The following GLDC variants were observed in gnomAD, a reference collection of about 807,000 sequenced individuals.
The protein encoded by GLDC is glycine decarboxylase.
GLDC carries 104 observed loss-of-function variants against 121.3 expected under a neutral mutation model. That is an observed-to-expected ratio of 0.86 (90% CI 0.73 to 1.01). GLDC has a LOEUF of 1.01. Among genes scored for constraint, GLDC ranks in the 50% least tolerant of loss-of-function variants. The pLI, the probability that GLDC is intolerant of heterozygous loss-of-function variation, is 0.00. For synonymous variants in GLDC, 546 were observed against 480.6 expected (o/e 1.14, Z -1.78); for missense variants, 1,429 against 1,306.6 (o/e 1.09, Z -1.44).
At chr9:6,560,427 G>C (rs752768918) in intron 16 of GLDC, among the ~76,000 whole-genome samples, 17 of 152,220 alleles carry the variant, frequency 1.1e-4, no homozygotes, top group Non-Finnish European at 1.6e-4. Context: ...TAGAACGGCT[G>C]TTGGTCTCAT....
intron 2 of GLDC, among the ~76,000 whole-genome samples, chr9:6,630,510 G>A (rs745508797): frequency 1.3e-5 from 2 of 152,044 alleles, no homozygotes; most frequent in Non-Finnish European, 2.9e-5. Flanking sequence ...GGTCTCCAAG[G>A]AAATCATCAG....
At chr9:6,602,233 GCACAGATAAT>G (rs768681323) in intron 7 of GLDC, 28 bp from the exon 8 acceptor site, 6 of 1,317,186 alleles carry the variant, frequency 4.6e-6, no homozygotes, top group Non-Finnish European at 6.6e-6. Flanking sequence ...CATCCAGTTA[GCACAGATAAT>G]CACAGCACTG....
intron 3 of GLDC, among the ~76,000 whole-genome samples, chr9:6,619,901 G>A (rs1195842210): frequency 6.6e-6 from 1 of 152,160 alleles, no homozygotes; most frequent in Non-Finnish European, 1.5e-5. Context: ...CTCAAATACA[G>A]CACAGAAATT....
At position 6,569,781 on chromosome 9, in the gene GLDC, G is replaced by T. The variant is rs1245322598; in HGVS notation, c.1851-4352C>A. Among the ~76,000 whole-genome samples the T allele has an allele frequency of 3.9e-5, 6 of 152,206 alleles. No individual in the cohort carries two copies. The South Asian group carries it at 1.2e-3, about 32-fold the overall frequency. On this transcript the variant is annotated intron_variant, in intron 15 of 24. Coordinates refer to ENST00000321612, the MANE Select transcript of GLDC (RefSeq NM_000170.3). ...ACCTGCAGTTAGAAGATCGAGACCA[G>T]CCTGGCGAACATGGCAAAACCCTGT...
intron 16 of GLDC, among the ~76,000 whole-genome samples, chr9:6,564,170 C>T (rs1817810669): frequency 6.6e-6 from 1 of 151,886 alleles, no homozygotes; most frequent in African/African-American, 2.4e-5. Context: ...ATCGCTTGAA[C>T]CCAGGAGGCA....
At chr9:6,604,393 A>C (rs1818687694) in intron 7 of GLDC, among the ~76,000 whole-genome samples, 195 bp downstream of exon 7, 2 of 152,198 alleles carry the variant, frequency 1.3e-5, no homozygotes, top group African/African-American at 4.8e-5. Flanking sequence ...TTTTTCAAAA[A>C]TTTACAAATT....
At chr9:6,558,532 C>G (rs369827665) in intron 17 of GLDC, 27 bp downstream of exon 17, 2 of 1,613,788 alleles carry the variant, frequency 1.2e-6, no homozygotes, top group Non-Finnish European at 1.7e-6. Flanking sequence ...CCCGGCCTCT[C>G]CCATCTGCTA....
chr9:6,580,760 T>A (rs1337858166), intron 15 of GLDC, among the ~76,000 whole-genome samples: 1 of 152,242 alleles, frequency 6.6e-6, no homozygotes, highest in Non-Finnish European at 1.5e-5. Context: ...TAACACTTCC[T>A]GATCCTACCT....
In GLDC at chr9:6,589,233, C is replaced by G. The variant is rs565333481; in HGVS notation, c.1542G>C (p.Lys514Asn). Reference protein sequence around the residue: ...ECRGIPGSVFKRTSPFLTHQV... With the variant: ...ECRGIPGSVFNRTSPFLTHQV... ...GATGGGTGAGGAACGGGCTGGTCCT[C>G]TTGAACACAGACCCTGGAATACCTC... is the stretch of plus-strand genomic sequence containing the variant. Residue 514 changes from lysine (K) to asparagine (N), a missense_variant, in exon 12 of 25, where the codon AAG becomes AAC. Coordinates refer to ENST00000321612, the MANE Select transcript of GLDC (RefSeq NM_000170.3). 3.1e-6 allele frequency: 5 copies of G among 1,611,342 alleles called. No individual in the cohort carries two copies. The South Asian group carries it at 5.5e-5, about 18-fold the overall frequency.
intron 16 of GLDC, among the ~76,000 whole-genome samples, chr9:6,563,667 T>C (rs1455277844): frequency 6.6e-6 from 1 of 152,208 alleles, no homozygotes; most frequent in African/African-American, 2.4e-5. Flanking sequence ...AAACTAATCA[T>C]TCCTTAGAAA....
At chr9:6,535,330 A>G (rs1817102926) in intron 23 of GLDC, among the ~76,000 whole-genome samples, 1 of 151,554 alleles carries the variant, frequency 6.6e-6, no homozygotes, top group African/African-American at 2.4e-5. Flanking sequence ...GAAAAGAGTA[A>G]TAAACGGTGG....
At chr9:6,620,379 C>G (rs532613910) in intron 2 of GLDC, 60 bp from the exon 3 acceptor site, 1 of 1,365,456 alleles carries the variant, frequency 7.3e-7, no homozygotes, top group East Asian at 2.3e-5. Flanking sequence ...GCTCTAATTA[C>G]AGTTTAAATC....
chr9:6,549,841 C>T (rs12347506), intron 21 of GLDC, among the ~76,000 whole-genome samples: 68,419 of 151,834 alleles, frequency 0.45, 16,160 homozygotes, highest in Admixed American at 0.53. Context: ...CCCTTGCCGC[C>T]GTCTTAATGA....
At position 6,606,578 on chromosome 9, in the gene GLDC, A is replaced by C. The variant is rs560495542; in HGVS notation, c.713+14T>G. 20 of 1,455,748 alleles carry C rather than the reference A, an allele frequency of 1.4e-5. No homozygotes were observed. The highest frequency in any genetic ancestry group is 1.7e-5 in the Non-Finnish European group (18 of 1,035,884). 90.2% of individuals were successfully genotyped at this position (1,455,748 alleles called of 1,614,324 possible). ...ACATTATACTGAGTTTAAAACACGAATCAAATTAATTACTTGGCTCGAGTC... is the reference window on the plus strand; with the variant it reads ...ACATTATACTGAGTTTAAAACACGACTCAAATTAATTACTTGGCTCGAGTC... On this transcript the variant is annotated intron_variant, in intron 5 of 24. Transcript: ENST00000321612.
In GLDC at chr9:6,605,147, C is replaced by T; in HGVS notation, c.845G>A (p.Arg282Lys). 6.2e-7 allele frequency: 1 copy of T among 1,612,818 alleles called. No individual in the cohort carries two copies. Among genetic ancestry groups the T allele is most frequent in the South Asian group, 1.1e-5 (1 of 91,012 alleles). The change falls in exon 6 of 25, where the codon AGA becomes AAA. Residue 282 changes from arginine (R) to lysine (K), a missense_variant. By Grantham distance (26) the Arg-to-Lys change is conservative. Coordinates refer to ENST00000321612, the MANE Select transcript of GLDC (RefSeq NM_000170.3). The part of the protein sequence containing the change: ...KVEDFTELVE[R>K]AHQSGSLACC... ...TATACCTACCCCACTCTGATGAGCT[C>T]TCTCCACGAGTTCCGTAAAGTCTTC...
intron 21 of GLDC, among the ~76,000 whole-genome samples, chr9:6,548,644 G>T (rs369431871): frequency 1.4e-4 from 21 of 152,258 alleles, no homozygotes; most frequent in African/African-American, 5.1e-4. Context: ...GAGAAACCAA[G>T]ATCCCATAAG....
At chr9:6,637,294 A>C (rs1221860063) in intron 2 of GLDC, among the ~76,000 whole-genome samples, 1 of 151,548 alleles carries the variant, frequency 6.6e-6, no homozygotes, top group African/African-American at 2.4e-5. Flanking sequence ...AATACCAGCT[A>C]CCTGGGAGGC....
At chr9:6,601,920 C>T (rs1022742669) in intron 8 of GLDC, among the ~76,000 whole-genome samples, 189 bp downstream of exon 8, 14 of 152,008 alleles carry the variant, frequency 9.2e-5, no homozygotes, top group South Asian at 2.1e-4. Context: ...CATGAGCCAC[C>T]GTACCCAGCC....
At position 6,567,552 on chromosome 9, in the gene GLDC, A is replaced by T. The variant is rs1817877362; in HGVS notation, c.1851-2123T>A. 2.0e-5 allele frequency: 3 copies of T among 152,228 alleles called. No individual in the cohort carries two copies. The South Asian group carries it at 6.2e-4, about 32-fold the overall frequency. The allele number at this position is 152,228 out of a possible 1,614,324, so 9.4% of individuals were successfully genotyped here. ...CAACTCTCTGCAAAGCCTTCCCTAA[A>T]GCCACCAATCCAGCTCTGTCACTTC... On this transcript the variant is annotated intron_variant, in intron 15 of 24. Transcript: ENST00000321612.
Sources: gnomAD v4.1 joint callset for allele counts (sites outside exome capture counted in the v4.1 genomes callset) on GRCh38, gnomAD v4.1.1 for gene constraint, MANE v1.5 for transcripts, NCBI Gene and HGNC (gene_info 2026-07-23, HGNC 2026-07-21) for gene names.